DMD: variants seen among roughly 807,000 people sequenced by gnomAD.
DMD encodes the protein dystrophin.
In DMD, 63 loss-of-function variants were observed where a neutral mutation model predicts 330.1. The observed-to-expected ratio is 0.19, with a 90% confidence interval of 0.16 to 0.24. The LOEUF (loss-of-function observed/expected upper bound fraction) is 0.24, where lower values mean the gene tolerates loss of function less well. DMD is among the 10% of genes least tolerant of loss of function. DMD has a pLI of 1.00. For missense variants in DMD, 3,344 were observed against 2,684.1 expected (o/e 1.25, Z -5.43); for synonymous variants, 1,223 against 959.8 (o/e 1.27, Z -5.07).
At chrX:32,014,789 G>A (rs2095746896) in intron 44 of DMD, among the ~76,000 whole-genome samples, 1 of 111,893 alleles carries the variant, frequency 8.9e-6, no homozygotes, top group African/African-American at 3.2e-5. Context: ...AGTTCTAGTT[G>A]GGTCAGAGAT....
At chrX:33,079,092 A>G (rs111290055) in intron 1 of DMD, among the ~76,000 whole-genome samples, 5,255 of 111,230 alleles carry the variant, frequency 0.047, 304 homozygotes, top group African/African-American at 0.16. Context: ...GTGCAATGGC[A>G]TGATCTTGGC....
chrX:33,095,229 T>C (rs1367804947), intron 1 of DMD, among the ~76,000 whole-genome samples: 3 of 112,132 alleles, frequency 2.7e-5, no homozygotes, highest in Non-Finnish European at 5.6e-5. Context: ...ATATGGAAAA[T>C]AGATATATTT....
At chrX:32,501,902 T>C (rs977789108) in intron 18 of DMD, 60 bp from the exon 19 acceptor site, 2 of 875,348 alleles carry the variant, frequency 2.3e-6, no homozygotes, top group African/African-American at 4.0e-5. Flanking sequence ...TACACAATAA[T>C]TATAACTTCT....
intron 44 of DMD, among the ~76,000 whole-genome samples, chrX:32,207,926 T>C (rs1354763401): frequency 2.7e-5 from 3 of 111,962 alleles, no homozygotes; most frequent in African/African-American, 9.7e-5. Flanking sequence ...AATTCAAGGA[T>C]AAAATGTTTG....
chrX:32,199,868 A>G (rs2097026088), intron 44 of DMD, among the ~76,000 whole-genome samples: 1 of 106,390 alleles, frequency 9.4e-6, no homozygotes, highest in Non-Finnish European at 1.9e-5. Context: ...AGGCCAGGCT[A>G]GACTCAAACT....
intron 60 of DMD, among the ~76,000 whole-genome samples, chrX:31,434,562 T>C (rs1396066606): frequency 9.0e-6 from 1 of 111,101 alleles, no homozygotes; most frequent in Non-Finnish European, 1.9e-5. Context: ...AAAAAATTAC[T>C]GTCTGTCATC....
chrX:32,019,526 T>C (rs767215236), intron 44 of DMD, among the ~76,000 whole-genome samples: 15 of 112,640 alleles, frequency 1.3e-4, no homozygotes, highest in Admixed American at 6.6e-4. Flanking sequence ...TTCAAAATTA[T>C]ATAATGATAA....
At chrX:31,641,117 T>G (rs991000397) in intron 54 of DMD, among the ~76,000 whole-genome samples, 4 of 111,773 alleles carry the variant, frequency 3.6e-5, no homozygotes, top group African/African-American at 9.8e-5. Context: ...AACAGGAACA[T>G]GTATATAAGC....
chrX:32,075,597 G>A (rs1320407093), intron 44 of DMD, among the ~76,000 whole-genome samples: 1 of 111,483 alleles, frequency 9.0e-6, no homozygotes, highest in Non-Finnish European at 1.9e-5. Flanking sequence ...AGTTCCTACA[G>A]ATTCTCAATT....
rs374666662 is a variant in DMD, at chrX:32,269,091, C to A, written c.6290+18438G>T. Among the ~76,000 whole-genome samples the A allele has an allele frequency of 8.1e-5, 9 of 111,208 alleles. No homozygotes were observed. The South Asian group carries it at 1.5e-3, about 19-fold the overall frequency. On this transcript the variant is annotated intron_variant, in intron 43 of 78. Coordinates refer to ENST00000357033, the MANE Select transcript of DMD (RefSeq NM_004006.3). ...TCCCGATAAGATCGCAGGAGTTGGG[C>A]AAATGGGCTCCCGCGTGCGCACTAA...
At chrX:32,397,147 A>G (rs1025201028) in intron 30 of DMD, among the ~76,000 whole-genome samples, 1 of 111,697 alleles carries the variant, frequency 9.0e-6, no homozygotes, top group Non-Finnish European at 1.9e-5. Flanking sequence ...CTGAAGGAAA[A>G]TGATCTCTCT....
intron 1 of DMD, among the ~76,000 whole-genome samples, chrX:33,297,869 A>G (rs1050184083): frequency 9.1e-6 from 1 of 110,479 alleles, no homozygotes; most frequent in Non-Finnish European, 1.9e-5. Flanking sequence ...TCAGTTATAG[A>G]GATCTAACGT....
At chrX:31,840,960 T>C (rs954080910) in intron 48 of DMD, among the ~76,000 whole-genome samples, 1 of 109,788 alleles carries the variant, frequency 9.1e-6, no homozygotes, top group African/African-American at 3.3e-5. Context: ...AAAACAAGAG[T>C]TGCATGTCTC....
intron 60 of DMD, among the ~76,000 whole-genome samples, chrX:31,419,511 G>A (rs1314992930): frequency 9.0e-6 from 1 of 110,522 alleles, no homozygotes; most frequent in African/African-American, 3.3e-5. Flanking sequence ...TACTCTCTCA[G>A]CACTCTGCTT....
chrX:33,096,448 G>T (rs1162734460), intron 1 of DMD, among the ~76,000 whole-genome samples: 3 of 109,274 alleles, frequency 2.7e-5, no homozygotes, highest in Non-Finnish European at 5.7e-5. Flanking sequence ...AAGTTAAAAT[G>T]TTTCAGAGAG....
At chrX:32,360,890 T>C (rs778106064) in intron 37 of DMD, among the ~76,000 whole-genome samples, 8 of 110,456 alleles carry the variant, frequency 7.2e-5, no homozygotes, top group African/African-American at 9.9e-5. Context: ...AAGAAGTTCA[T>C]AGAGTGGATC....
At chrX:32,722,201 G>A (rs2066396264) in intron 7 of DMD, among the ~76,000 whole-genome samples, 1 of 110,043 alleles carries the variant, frequency 9.1e-6, no homozygotes, top group Non-Finnish European at 1.9e-5. Flanking sequence ...GATTTTCACA[G>A]GGATTACATT....
At chrX:33,307,064 T>C (rs1352255840) in intron 1 of DMD, among the ~76,000 whole-genome samples, 1 of 111,661 alleles carries the variant, frequency 9.0e-6, no homozygotes, top group East Asian at 2.8e-4. Flanking sequence ...ATTCCAAGTA[T>C]GTATTGGAGC....
intron 29 of DMD, 43 bp downstream of exon 29, chrX:32,438,198 T>C: frequency 8.4e-7 from 1 of 1,185,236 alleles, no homozygotes; most frequent in South Asian, 1.8e-5. Context: ...TGCTATACAT[T>C]AATGCAAATT....
Sources: allele counts gnomAD v4.1 joint callset (sites outside exome capture counted in the v4.1 genomes callset), GRCh38; gene constraint gnomAD v4.1.1; transcripts MANE v1.5; gene names NCBI Gene and HGNC (gene_info 2026-07-23, HGNC 2026-07-21).